Variants in C12orf42 observed in about 807,000 individuals in gnomAD.
C12orf42 encodes uncharacterized protein C12orf42.
C12orf42 carries 25 observed loss-of-function variants against 21.6 expected under a neutral mutation model. The ratio of observed to expected loss-of-function variants is 1.16; its 90% CI spans 0.84 to 1.62. The LOEUF (loss-of-function observed/expected upper bound fraction) is 1.62, where lower values mean the gene tolerates loss of function less well. C12orf42 is among the 40% of genes most tolerant of loss of function. The pLI, the probability that C12orf42 is intolerant of heterozygous loss-of-function variation, is 0.00. For missense variants in C12orf42, 483 were observed against 459.3 expected, an observed-to-expected ratio of 1.05 and a Z score of -0.47; for synonymous variants, 174 against 175.0, an observed-to-expected ratio of 0.99 and a Z score of 0.05.
At chr12:103,409,336 C>A (rs1339125024) in intron 2 of C12orf42, among the ~76,000 whole-genome samples, 1 of 152,166 alleles carries the variant, frequency 6.6e-6, no homozygotes. Flanking sequence ...GACTTTCTGA[C>A]CCTCCCAAAA....
At chr12:103,149,644 T>C in the C12orf42 span, among the ~76,000 whole-genome samples, 44,854 of 151,756 alleles carry the variant, frequency 0.3, 6,978 homozygotes, top group East Asian at 0.4. Context: ...TTTATAAGCA[T>C]CTGGCATTTC....
At chr12:103,417,063 A>C (rs1416106974) in intron 2 of C12orf42, among the ~76,000 whole-genome samples, 2 of 152,042 alleles carry the variant, frequency 1.3e-5, no homozygotes, top group Non-Finnish European at 2.9e-5. Flanking sequence ...CAGTCCAGGA[A>C]GAGTTTGTTT....
intron 10 of C12orf42, among the ~76,000 whole-genome samples, chr12:103,247,596 C>T (rs970908477): frequency 1.3e-5 from 2 of 151,950 alleles, no homozygotes; most frequent in African/African-American, 2.4e-5. Context: ...CCAGCTTGTC[C>T]TCCTCACACC....
At chr12:103,175,662 C>T in the C12orf42 span, among the ~76,000 whole-genome samples, 16 of 152,042 alleles carry the variant, frequency 1.1e-4, no homozygotes, top group Non-Finnish European at 2.4e-4. Flanking sequence ...AGATGGATTA[C>T]GAAAATAGTG....
the C12orf42 span, among the ~76,000 whole-genome samples, chr12:103,211,615 A>G: frequency 6.6e-6 from 1 of 152,186 alleles, no homozygotes; most frequent in Non-Finnish European, 1.5e-5. Context: ...AGTGAGCAGG[A>G]AGGTCAGTTC....
chr12:103,535,474 A>G, the C12orf42 span, among the ~76,000 whole-genome samples: 49 of 151,840 alleles, frequency 3.2e-4, no homozygotes, highest in Non-Finnish European at 6.3e-4. Context: ...GTGTGGCTAT[A>G]GTGCTTATAT....
At chr12:103,283,920 T>A (rs920528825) in intron 4 of C12orf42, among the ~76,000 whole-genome samples, 1 of 152,178 alleles carries the variant, frequency 6.6e-6, no homozygotes, top group African/African-American at 2.4e-5. Context: ...TCCGGGCAAA[T>A]GCAATACATA....
chr12:103,158,873 C>CAAA, the C12orf42 span, among the ~76,000 whole-genome samples: 17 of 109,820 alleles, frequency 1.5e-4, no homozygotes, highest in African/African-American at 4.8e-4. Flanking sequence ...GAGCAAGACT[C>CAAA]AAAAAAAAAA....
At chr12:103,413,127 T>G (rs549610932) in intron 2 of C12orf42, among the ~76,000 whole-genome samples, 2 of 152,340 alleles carry the variant, frequency 1.3e-5, no homozygotes, top group South Asian at 4.1e-4. Flanking sequence ...TTTGAGTTAA[T>G]TTTTGTACAT....
At chr12:103,493,962 T>C (rs1221827016) in intron 1 of C12orf42, among the ~76,000 whole-genome samples, 4 of 152,208 alleles carry the variant, frequency 2.6e-5, no homozygotes, top group Admixed American at 6.5e-5. Context: ...GTAAGTACAA[T>C]ATTCACTAGT....
At chr12:103,220,974 C>G in the C12orf42 span, among the ~76,000 whole-genome samples, 1 of 152,202 alleles carries the variant, frequency 6.6e-6, no homozygotes, top group East Asian at 1.9e-4. Flanking sequence ...CTCTGTTGCT[C>G]CAAAGGTTCC....
At chr12:103,325,467 C>A (rs1445206130) in intron 4 of C12orf42, among the ~76,000 whole-genome samples, 1 of 152,214 alleles carries the variant, frequency 6.6e-6, no homozygotes, top group African/African-American at 2.4e-5. Flanking sequence ...CTGCTTTTGG[C>A]CACTTTACCA....
chr12:103,483,185 C>G (rs1430624455), intron 1 of C12orf42, among the ~76,000 whole-genome samples: 1 of 151,980 alleles, frequency 6.6e-6, no homozygotes, highest in Non-Finnish European at 1.5e-5. Context: ...TTCCAAGCAC[C>G]AAGAGTGAAC....
the C12orf42 span, among the ~76,000 whole-genome samples, chr12:103,507,649 G>A: frequency 6.6e-6 from 1 of 150,718 alleles, no homozygotes; most frequent in African/African-American, 2.4e-5. Context: ...ACTGCACCTA[G>A]CCTAGGGAAC....
At chr12:103,394,364 G>C (rs1385913419) in intron 3 of C12orf42, among the ~76,000 whole-genome samples, 1 of 152,164 alleles carries the variant, frequency 6.6e-6, no homozygotes, top group African/African-American at 2.4e-5. Flanking sequence ...CAGGTTGTCT[G>C]TCCTGCCCTA....
chr12:103,315,193 A>G (rs1168410421), intron 4 of C12orf42, among the ~76,000 whole-genome samples: 1 of 152,232 alleles, frequency 6.6e-6, no homozygotes, highest in Non-Finnish European at 1.5e-5. Flanking sequence ...ATTATGAGGC[A>G]TACCAAAAGG....
chr12:103,295,530 C>T (rs190540201), intron 4 of C12orf42, among the ~76,000 whole-genome samples: 2 of 152,054 alleles, frequency 1.3e-5, no homozygotes, highest in African/African-American at 2.4e-5. Context: ...GTTTCACTTT[C>T]CTCATTGGTA....
At chr12:103,080,261 C>T in the C12orf42 span, among the ~76,000 whole-genome samples, 3 of 152,170 alleles carry the variant, frequency 2.0e-5, no homozygotes, top group Non-Finnish European at 1.5e-5. Context: ...GTGAAATCCT[C>T]ACCTGATGGT....
intron 4 of C12orf42, among the ~76,000 whole-genome samples, chr12:103,294,600 GAA>G (rs1468781983): frequency 8.5e-6 from 1 of 117,074 alleles, no homozygotes; most frequent in Admixed American, 8.8e-5. Flanking sequence ...AAGAAAGAAA[GAA>G]AGAAAGAAAG....
Sources: gnomAD v4.1 joint callset for allele counts (sites outside exome capture counted in the v4.1 genomes callset) on GRCh38, gnomAD v4.1.1 for gene constraint, MANE v1.5 for transcripts, NCBI Gene and HGNC (gene_info 2026-07-23, HGNC 2026-07-21) for gene names.